The following GARIN5B variants were observed in gnomAD, a reference collection of about 807,000 sequenced individuals.
The protein encoded by GARIN5B is golgi associated RAB2 interactor family member 5B, also known as Golgi-associated RAB2 interactor protein 5B.
the GARIN5B span, chr19:55,359,769 G>T: frequency 1.3e-6 from 2 of 1,551,384 alleles, no homozygotes; most frequent in Non-Finnish European, 1.7e-6. Context: ...CAGGCAGCCG[G>T]GGGATAGGGA....
At chr19:55,363,224 T>C in the GARIN5B span, 2 of 720,420 alleles carry the variant, frequency 2.8e-6, no homozygotes, top group Non-Finnish European at 4.0e-6. The surrounding 1 kb of genome is among the most constrained non-coding windows in gnomAD (Gnocchi z 4.0). Context: ...GACTCGGGCC[T>C]CCGCCATGGC....
At chr19:55,362,069 G>A in the GARIN5B span, among the ~76,000 whole-genome samples, 17 of 148,776 alleles carry the variant, frequency 1.1e-4, no homozygotes, top group African/African-American at 4.0e-4. Context: ...CAGGAGTCCA[G>A]GCCCCCAGCA....
chr19:55,362,416 G>C, the GARIN5B span: 4 of 1,550,476 alleles, frequency 2.6e-6, no homozygotes, highest in African/African-American at 5.5e-5. Context: ...GGGCCAGGTA[G>C]TACTGGCGGC....
the GARIN5B span, chr19:55,361,065 G>A: frequency 6.4e-7 from 1 of 1,550,944 alleles, no homozygotes; most frequent in Non-Finnish European, 8.7e-7. Context: ...GGGGCACAGA[G>A]TCGCCCACGG....
chr19:55,359,513 G>A, the GARIN5B span: 2 of 1,551,196 alleles, frequency 1.3e-6, no homozygotes, highest in Non-Finnish European at 1.7e-6. Flanking sequence ...TACAGCTGGG[G>A]CCTTCCGGGG....
chr19:55,358,262 A>G, the GARIN5B span: 1 of 1,551,038 alleles, frequency 6.4e-7, no homozygotes, highest in South Asian at 1.2e-5. Flanking sequence ...AGACGACCCC[A>G]CAGTGGCCAG....
chr19:55,358,108 G>A, the GARIN5B span: 2 of 1,419,798 alleles, frequency 1.4e-6, no homozygotes, highest in Non-Finnish European at 1.8e-6. Context: ...ATAAACAGCA[G>A]AGCTCACAGT....
the GARIN5B span, chr19:55,358,210 C>T: frequency 5.8e-5 from 89 of 1,546,826 alleles, no homozygotes; most frequent in Non-Finnish European, 7.2e-5. Flanking sequence ...CCGTGTTCCT[C>T]ACAGTTTCAA....
chr19:55,357,409 C>T, the GARIN5B span, among the ~76,000 whole-genome samples: 7 of 152,220 alleles, frequency 4.6e-5, no homozygotes, highest in Non-Finnish European at 1.0e-4. Flanking sequence ...CCTCTGACCG[C>T]ATTTCCCACC....
At chr19:55,360,783 C>T in the GARIN5B span, 27 of 1,551,626 alleles carry the variant, frequency 1.7e-5, no homozygotes, top group African/African-American at 3.4e-4. Context: ...GATGGGGGAG[C>T]CGTCTGAGCC....
At chr19:55,362,485 G>T in the GARIN5B span, 1 of 1,546,254 alleles carries the variant, frequency 6.5e-7, no homozygotes, top group Non-Finnish European at 8.7e-7. Context: ...AGAGGTGGAC[G>T]AGGTCCAGGG....
At chr19:55,361,997 A>AC in the GARIN5B span, among the ~76,000 whole-genome samples, 2 of 80,012 alleles carry the variant, frequency 2.5e-5, no homozygotes, top group Admixed American at 1.2e-4. Context: ...GGAGTCCAGG[A>AC]CCCCAGGCCC....
chr19:55,359,298 C>T, the GARIN5B span: 1 of 1,544,944 alleles, frequency 6.5e-7, no homozygotes, highest in South Asian at 1.2e-5. Context: ...TTCTTTGGAG[C>T]AGTGGGGGAC....
the GARIN5B span, chr19:55,362,926 G>A: frequency 2.7e-6 from 4 of 1,502,752 alleles, no homozygotes; most frequent in Non-Finnish European, 3.6e-6. Context: ...CCTGAACAAA[G>A]TTACTCTCGA....
the GARIN5B span, chr19:55,358,283 G>C: frequency 6.4e-7 from 1 of 1,550,712 alleles, no homozygotes; most frequent in Non-Finnish European, 8.7e-7. Flanking sequence ...GGGGTGCTGG[G>C]CTGGCATCCT....
chr19:55,355,561 T>C, the GARIN5B span, among the ~76,000 whole-genome samples: 72,941 of 151,934 alleles, frequency 0.48, 19,351 homozygotes, highest in East Asian at 0.73. Context: ...GTCTTGGCTC[T>C]AGGGGCAGAC....
chr19:55,356,377 C>CTT, the GARIN5B span, among the ~76,000 whole-genome samples: 3 of 145,592 alleles, frequency 2.1e-5, no homozygotes, highest in African/African-American at 2.5e-5. Flanking sequence ...GCCTAGTTAA[C>CTT]TTTTTTTTTT....
At chr19:55,359,895 C>G in the GARIN5B span, 2 of 1,551,360 alleles carry the variant, frequency 1.3e-6, no homozygotes, top group African/African-American at 2.7e-5. Context: ...AAGAAGCCAT[C>G]AGGGCTGTCA....
chr19:55,361,982 A>C, the GARIN5B span, among the ~76,000 whole-genome samples: 1 of 83,738 alleles, frequency 1.2e-5, no homozygotes, highest in African/African-American at 6.6e-5. Flanking sequence ...TCCTCCCTAG[A>C]CCCAGGAGTC....
Sources: gnomAD v4.1 joint callset for allele counts (sites outside exome capture counted in the v4.1 genomes callset) on GRCh38, gnomAD v4.1.1 for gene constraint, Gnocchi (gnomAD v3.1) non-coding constraint, MANE v1.5 for transcripts, NCBI Gene and HGNC (gene_info 2026-07-23, HGNC 2026-07-21) for gene names.